SEMA3A: variants seen among roughly 807,000 people sequenced by gnomAD.
SEMA3A encodes semaphorin 3A.
Under a neutral mutation model 97.9 loss-of-function variants are expected in SEMA3A, and 29 were observed. That is an observed-to-expected ratio of 0.30 (90% confidence interval 0.22 to 0.40). The LOEUF is 0.40. Among genes scored for constraint, SEMA3A ranks in the 10% least tolerant of loss-of-function variants. The probability of loss-of-function intolerance (pLI) is 1.00; values close to 1 mark genes in which losing one functional copy is unlikely to be tolerated. For missense variants in SEMA3A, 763 were observed against 951.3 expected, an observed-to-expected ratio of 0.80 and a Z score of 2.60; for synonymous variants, 321 against 323.7, an observed-to-expected ratio of 0.99 and a Z score of 0.09.
intron 4 of SEMA3A, among the ~76,000 whole-genome samples, chr7:84,080,137 G>A (rs1794099523): frequency 8.0e-6 from 1 of 124,368 alleles, no homozygotes. Flanking sequence ...CTCACTCATA[G>A]ATGGGAATTG....
At chr7:84,023,554 T>C (rs1416910606) in intron 6 of SEMA3A, among the ~76,000 whole-genome samples, 2 of 152,186 alleles carry the variant, frequency 1.3e-5, no homozygotes, top group Non-Finnish European at 2.9e-5. Context: ...GCCTAGTTAA[T>C]TTCATAACAC....
chr7:84,213,170 T>A (rs545651100), intron 3 of SEMA3A, among the ~76,000 whole-genome samples: 4 of 152,238 alleles, frequency 2.6e-5, no homozygotes, highest in African/African-American at 9.6e-5. Flanking sequence ...AGAGATGGTG[T>A]TTCTCCATGT....
At chr7:84,051,591 C>T (rs1018948573) in intron 5 of SEMA3A, among the ~76,000 whole-genome samples, 1 of 152,154 alleles carries the variant, frequency 6.6e-6, no homozygotes, top group African/African-American at 2.4e-5. Flanking sequence ...AGTTGCTTAT[C>T]AGCTTAAGGA....
chr7:84,015,537 C>CACTT (rs1390126142), intron 6 of SEMA3A, among the ~76,000 whole-genome samples: 2 of 152,272 alleles, frequency 1.3e-5, no homozygotes, highest in Admixed American at 1.3e-4. Flanking sequence ...TCACTGAAGG[C>CACTT]ACTTAGGATA....
intron 11 of SEMA3A, 88 bp downstream of exon 11, chr7:84,005,251 T>A: frequency 2.0e-6 from 2 of 993,816 alleles, no homozygotes; most frequent in Admixed American, 1.8e-5. Context: ...AGGGTTGGCA[T>A]CCCAACCCCT....
At chr7:84,201,157 T>C (rs996226660) in intron 3 of SEMA3A, among the ~76,000 whole-genome samples, 2 of 152,096 alleles carry the variant, frequency 1.3e-5, no homozygotes, top group Non-Finnish European at 2.9e-5. Flanking sequence ...TTCCCCTTTG[T>C]TATCCACTGA....
chr7:84,269,581 A>T (rs1269107940), intron 3 of SEMA3A, among the ~76,000 whole-genome samples: 1 of 152,164 alleles, frequency 6.6e-6, no homozygotes, highest in Admixed American at 6.6e-5. Context: ...GGCAGAGCAC[A>T]TATGAAAATT....
intron 3 of SEMA3A, among the ~76,000 whole-genome samples, chr7:84,225,387 T>A (rs1798965733): frequency 6.6e-6 from 1 of 152,020 alleles, no homozygotes; most frequent in Non-Finnish European, 1.5e-5. Context: ...TGGTAAGAAA[T>A]TAAAAATCCC....
At chr7:84,151,587 A>C (rs1252862742) in intron 1 of SEMA3A, among the ~76,000 whole-genome samples, 1 of 152,184 alleles carries the variant, frequency 6.6e-6, no homozygotes, top group East Asian at 1.9e-4. Context: ...ATATGGGACT[A>C]TGTGAAGAGA....
In SEMA3A at chr7:84,136,960, A is replaced by AAGGAAGGAAGGAAGGAAG. The variant is rs1562805305; in HGVS notation, c.113-2010_113-2009insCTTCCTTCCTTCCTTCCT. Among the ~76,000 whole-genome samples, 167 of 141,208 alleles carry AAGGAAGGAAGGAAGGAAG rather than the reference A, an allele frequency of 1.2e-3. 2 individuals are homozygous for AAGGAAGGAAGGAAGGAAG. Among genetic ancestry groups the AAGGAAGGAAGGAAGGAAG allele is most frequent in the Middle Eastern group, 6.9e-3 (2 of 290 alleles). 92.6% of individuals were successfully genotyped at this position (141,208 alleles called of 152,430 possible). ...AGGGAGGGAGGGAAGGAGGGAGGGA[A>AAGGAAGGAAGGAAGGAAG]GAAGGAAGGAAGGAAGGAAGGAAGG... On this transcript the variant is annotated intron_variant, in intron 1 of 16. Transcript: ENST00000265362.
Position 84,110,697 on chromosome 7 carries a change from T to C in SEMA3A, c.334-108A>G, listed in dbSNP as rs572458652. 1,448 of 1,311,052 alleles carry C rather than the reference T, an allele frequency of 1.1e-3. 6 individuals are homozygous for C. The highest frequency in any genetic ancestry group is 1.4e-3 in the Non-Finnish European group (1,347 of 964,058). 81.2% of individuals were successfully genotyped at this position (1,311,052 alleles called of 1,614,324 possible). A position where few individuals can be genotyped will look rare whatever the true frequency, so the allele number is the denominator to read the frequency against. ...GATTTGTCTTTTGTTTTCTTTCTTT[T>C]TTTTTTTTTGGCATCCCTTTCACAA... On this transcript the variant is annotated intron_variant, in intron 3 of 16. Coordinates refer to ENST00000265362, the MANE Select transcript of SEMA3A (RefSeq NM_006080.3).
chr7:84,296,963 C>T (rs1800888288), intron 3 of SEMA3A, among the ~76,000 whole-genome samples: 1 of 151,856 alleles, frequency 6.6e-6, no homozygotes, highest in Admixed American at 6.6e-5. Flanking sequence ...GTTTGATATT[C>T]TTTTCTGAGA....
At chr7:84,111,244 A>C (rs992757416) in intron 3 of SEMA3A, among the ~76,000 whole-genome samples, 27 of 152,202 alleles carry the variant, frequency 1.8e-4, no homozygotes, top group African/African-American at 6.3e-4. Context: ...TTAAGGATCA[A>C]GCGTGGACAA....
At chr7:83,966,449 G>A (rs1423233690) in intron 15 of SEMA3A, among the ~76,000 whole-genome samples, 1 of 152,140 alleles carries the variant, frequency 6.6e-6, no homozygotes, top group African/African-American at 2.4e-5. Flanking sequence ...GGTGCCCTTA[G>A]TAAGTTTGCT....
chr7:84,302,907 T>C (rs1234469940), intron 3 of SEMA3A, among the ~76,000 whole-genome samples: 3 of 152,164 alleles, frequency 2.0e-5, no homozygotes, highest in Non-Finnish European at 4.4e-5. Context: ...TCTAAGTTCC[T>C]TCTGGCTCAG....
At position 84,134,963 on chromosome 7, in the gene SEMA3A, C is replaced by G. The variant is rs377054129; in HGVS notation, c.113-12G>C. The G allele has an allele frequency of 8.1e-5, 131 of 1,610,612 alleles. 1 individual carries two copies. In the South Asian group the frequency reaches 1.4e-3, roughly 17 times the overall value. On this transcript the variant is annotated splice_polypyrimidine_tract_variant and intron_variant, in intron 1 of 16. Coordinates refer to ENST00000265362, the MANE Select transcript of SEMA3A (RefSeq NM_006080.3). ...GGATTCCAACATTTCTGCAAGGTAA[C>G]AAAGCAAAACATTGGGTATTAATGT... is the stretch of plus-strand genomic sequence containing the variant.
chr7:84,044,264 G>A (rs1428658733), intron 6 of SEMA3A, among the ~76,000 whole-genome samples: 4 of 151,526 alleles, frequency 2.6e-5, no homozygotes, highest in Non-Finnish European at 5.9e-5. Context: ...CTGGGTTTTT[G>A]GAGTTCTGCA....
At chr7:84,417,020 A>G (rs1480435831) in intron 1 of SEMA3A, among the ~76,000 whole-genome samples, 2 of 151,876 alleles carry the variant, frequency 1.3e-5, no homozygotes, top group Non-Finnish European at 2.9e-5. Context: ...TTAAACTTTA[A>G]TTTATTTGAT....
chr7:84,444,586 G>GAGTCTGGCTCTGTCTCCC (rs1805357541), intron 1 of SEMA3A, among the ~76,000 whole-genome samples: 1 of 148,588 alleles, frequency 6.7e-6, no homozygotes, highest in African/African-American at 2.5e-5. Flanking sequence ...TTTTGAGACG[G>GAGTCTGGCTCTGTCTCCC]AGTCTGGCTC....
Sources: gnomAD v4.1 joint callset for allele counts (sites outside exome capture counted in the v4.1 genomes callset) on GRCh38, gnomAD v4.1.1 for gene constraint, MANE v1.5 for transcripts, NCBI Gene and HGNC (gene_info 2026-07-23, HGNC 2026-07-21) for gene names.